Variants in ZFP64 observed in about 807,000 individuals in gnomAD.
ZFP64 encodes the protein zinc finger protein 64.
Under a neutral mutation model 51.6 loss-of-function variants are expected in ZFP64, and 14 were observed. That is an observed-to-expected ratio of 0.27 (90% CI 0.18 to 0.42). The LOEUF (loss-of-function observed/expected upper bound fraction) is 0.42. Ranked by LOEUF, ZFP64 falls within the 10% of genes least tolerant of loss-of-function variation. ZFP64 has a pLI of 1.00. For synonymous variants in ZFP64, 375 were observed against 361.4 expected, an observed-to-expected ratio of 1.04 and a Z score of -0.43; for missense variants, 754 against 906.8, an observed-to-expected ratio of 0.83 and a Z score of 2.16.
chr20:52,106,120 A>G (rs1978313835), intron 5 of ZFP64, among the ~76,000 whole-genome samples: 2 of 152,134 alleles, frequency 1.3e-5, no homozygotes, highest in African/African-American at 4.8e-5. Flanking sequence ...CTCTTGGACC[A>G]CACAGGAGTG....
intron 5 of ZFP64, among the ~76,000 whole-genome samples, chr20:52,145,870 G>T (rs1015297039): frequency 3.3e-5 from 5 of 151,872 alleles, no homozygotes; most frequent in African/African-American, 1.2e-4. Flanking sequence ...TATTAAAAAA[G>T]TCTTTCTTCA....
intron 5 of ZFP64, chr20:52,110,585 A>G (rs2122811394): frequency 2.7e-6 from 2 of 728,374 alleles, no homozygotes; most frequent in Middle Eastern, 2.4e-4. Flanking sequence ...CGCTGCTTCC[A>G]GAGGGCCTAG....
intron 5 of ZFP64, among the ~76,000 whole-genome samples, chr20:52,154,038 T>A (rs3787179): frequency 0.16 from 23,920 of 151,938 alleles, 2,062 homozygotes; most frequent in Non-Finnish European, 0.2. Context: ...TGATTTTTTT[T>A]AAAAAAAATT....
At chr20:52,122,674 C>G (rs925163671) in intron 5 of ZFP64, among the ~76,000 whole-genome samples, 1 of 152,052 alleles carries the variant, frequency 6.6e-6, no homozygotes, top group Non-Finnish European at 1.5e-5. Flanking sequence ...TCGACATGAA[C>G]AGGAGTTTGT....
intron 5 of ZFP64, among the ~76,000 whole-genome samples, chr20:52,106,970 C>T (rs1312675748): frequency 2.0e-5 from 3 of 152,142 alleles, no homozygotes; most frequent in African/African-American, 7.2e-5. Flanking sequence ...TGGTGGCGGA[C>T]GCCTGTAATC....
chr20:52,089,137 C>T (rs886974565), intron 7 of ZFP64: 2 of 446,202 alleles, frequency 4.5e-6, no homozygotes, highest in Non-Finnish European at 8.9e-6. Context: ...GACCACATAC[C>T]CAGAACACTT....
At chr20:52,146,733 AAAAAG>A (rs985040257), downstream of ZFP64, among the ~76,000 whole-genome samples, 1 of 152,318 alleles carries the variant, frequency 6.6e-6, no homozygotes, top group Non-Finnish European at 1.5e-5. Context: ...GTATAATAAA[AAAAAG>A]AAATGTTTCA....
chr20:52,148,641 T>A (rs1600753328), downstream of ZFP64, among the ~76,000 whole-genome samples: 1 of 149,006 alleles, frequency 6.7e-6, no homozygotes. Flanking sequence ...GCAGAGCAGG[T>A]AGTGAGCTGA....
intron 2 of ZFP64, among the ~76,000 whole-genome samples, chr20:52,167,358 A>T (rs948728253): frequency 6.6e-6 from 1 of 152,024 alleles, no homozygotes; most frequent in Admixed American, 6.6e-5. Context: ...AAATAAGTAA[A>T]TAATAAATAA....
At chr20:52,182,487 G>A (rs3787176) in intron 2 of ZFP64, among the ~76,000 whole-genome samples, 25,577 of 152,240 alleles carry the variant, frequency 0.17, 2,716 homozygotes, top group South Asian at 0.24. Context: ...GGGAGCCCAA[G>A]ATGGGAGGAT....
intron 5 of ZFP64, among the ~76,000 whole-genome samples, chr20:52,142,377 G>GCGCGC (rs1555804615): frequency 5.9e-5 from 7 of 118,478 alleles, no homozygotes; most frequent in East Asian, 2.3e-4. Context: ...CACACACACA[G>GCGCGC]ACACACACAC....
intron 2 of ZFP64, among the ~76,000 whole-genome samples, chr20:52,175,615 C>A (rs945884640): frequency 6.6e-6 from 1 of 152,282 alleles, no homozygotes; most frequent in Middle Eastern, 3.4e-3. Flanking sequence ...GAGCCCGAGG[C>A]GGTCGGATCC....
intron 2 of ZFP64, chr20:52,175,869 C>CCGG: frequency 2.0e-5 from 16 of 788,706 alleles, no homozygotes; most frequent in South Asian, 5.7e-5. Context: ...CTGCCGCCCC[C>CCGG]GCCCCCAAAA....
rs1600779890 is a variant in ZFP64 at position 52,162,549 on chromosome 20, C to A, written c.511+2146G>T. 2.0e-5 allele frequency among the ~76,000 whole-genome samples: 3 copies of A among 152,034 alleles called. No individual in the cohort carries two copies. The South Asian group carries it at 6.2e-4, about 32-fold the overall frequency. On this transcript the variant is annotated intron_variant, in intron 4 of 5. Coordinates refer to ENST00000216923, the MANE Select transcript of ZFP64 (RefSeq NM_018197.3). ...GAATGAGGCAGGAGAATGATATGAA[C>A]CCGGGAGGCAGAGCTTGCAGTGAAC...
chr20:52,163,230 G>A (rs2123018408), intron 4 of ZFP64, among the ~76,000 whole-genome samples: 1 of 152,152 alleles, frequency 6.6e-6, no homozygotes, highest in East Asian at 1.9e-4. Flanking sequence ...GTGTGTTGGT[G>A]CATGCCTGTA....
chr20:52,112,085 AAAAAAAAAAAAAAAAC>A (rs929483318), intron 5 of ZFP64, among the ~76,000 whole-genome samples: 86 of 131,568 alleles, frequency 6.5e-4, no homozygotes, highest in Non-Finnish European at 1.2e-3. Flanking sequence ...CTATCTCCAA[AAAAAAAAAAAAAAAAC>A]AAAAAAAAAA....
At chr20:52,139,375 T>C (rs1353012079) in intron 5 of ZFP64, among the ~76,000 whole-genome samples, 1 of 152,256 alleles carries the variant, frequency 6.6e-6, no homozygotes, top group East Asian at 1.9e-4. Context: ...CTGGAGGTCA[T>C]TATCCTAAGT....
chr20:52,113,405 TA>T lies in ZFP64; in HGVS notation c.764-14819del, dbSNP rs1260369032. Among the ~76,000 whole-genome samples the T allele has an allele frequency of 9.3e-4, 138 of 148,700 alleles. 1 individual carries two copies. Among genetic ancestry groups the T allele is most frequent in the Middle Eastern group, 3.6e-3 (1 of 280 alleles). ...TCTTATTTATTGATCATTACCCTTGTACCCTTGCCAGGAATTCTTTTTTTTT... is the reference window on the plus strand; with the variant it reads ...TCTTATTTATTGATCATTACCCTTGTCCCTTGCCAGGAATTCTTTTTTTTT... On this transcript the variant is annotated intron_variant, in intron 5 of 8. Transcript: ENST00000361387.
chr20:52,132,797 C>CA (rs969650601), intron 5 of ZFP64, among the ~76,000 whole-genome samples: 1 of 152,074 alleles, frequency 6.6e-6, no homozygotes, highest in Non-Finnish European at 1.5e-5. Context: ...GAACTAATAC[C>CA]AATCCTACTT....
Sources: allele counts gnomAD v4.1 joint callset (sites outside exome capture counted in the v4.1 genomes callset), GRCh38; gene constraint gnomAD v4.1.1; transcripts MANE v1.5; gene names NCBI Gene and HGNC (gene_info 2026-07-23, HGNC 2026-07-21).